The following MOGAT1 variants were observed in gnomAD, a reference collection of about 807,000 sequenced individuals.
MOGAT1 encodes 2-acylglycerol O-acyltransferase 1.
Under a neutral mutation model 31.4 loss-of-function variants are expected in MOGAT1, and 32 were observed. That is an observed-to-expected ratio of 1.02 (90% confidence interval 0.77 to 1.37). The LOEUF is 1.37. MOGAT1 is among the 40% of genes most tolerant of loss of function. The pLI, the probability that MOGAT1 is intolerant of heterozygous loss-of-function variation, is 0.00. For synonymous variants in MOGAT1, 145 were observed against 144.5 expected (o/e 1.00, Z -0.03); for missense variants, 426 against 402.0 (o/e 1.06, Z -0.51).
At chr2:222,675,542 C>G (rs369542563) in intron 1 of MOGAT1, among the ~76,000 whole-genome samples, 1 of 148,272 alleles carries the variant, frequency 6.7e-6, no homozygotes, top group Non-Finnish European at 1.5e-5. Context: ...TGCAGTGGCG[C>G]GATCTCGGCT....
At chr2:222,677,873 T>A (rs1183180813) in intron 1 of MOGAT1, 6 of 255,282 alleles carry the variant, frequency 2.4e-5, no homozygotes, top group Non-Finnish European at 1.7e-5. Context: ...CCTTCCTGTG[T>A]TTCTTGTCTT....
At chr2:222,679,936 G>C (rs1203317766) in intron 1 of MOGAT1, among the ~76,000 whole-genome samples, 1 of 152,192 alleles carries the variant, frequency 6.6e-6, no homozygotes, top group Admixed American at 6.5e-5. Flanking sequence ...AACCTGAAGT[G>C]ACATGACAAT....
intron 1 of MOGAT1, among the ~76,000 whole-genome samples, chr2:222,686,836 G>A (rs922768177): frequency 2.0e-5 from 3 of 152,192 alleles, no homozygotes; most frequent in Admixed American, 6.5e-5. Flanking sequence ...AAATAGTCCA[G>A]GTGCTGTGGC....
At chr2:222,676,476 T>C (rs1375730456) in intron 1 of MOGAT1, among the ~76,000 whole-genome samples, 1 of 152,238 alleles carries the variant, frequency 6.6e-6, no homozygotes, top group Non-Finnish European at 1.5e-5. Flanking sequence ...CTTGCATGGA[T>C]ATATTGCAAA....
intron 5 of MOGAT1, among the ~76,000 whole-genome samples, chr2:222,703,886 C>T (rs894305296): frequency 3.4e-5 from 5 of 146,558 alleles, no homozygotes; most frequent in African/African-American, 1.3e-4. Flanking sequence ...AAAAATAATG[C>T]CCACTTCTAA....
chr2:222,695,005 G>A, intron 4 of MOGAT1, 84 bp from the exon 5 acceptor site: 1 of 1,099,288 alleles, frequency 9.1e-7, no homozygotes, highest in Non-Finnish European at 1.3e-6. Context: ...TTTTTCAGAA[G>A]TTGTTGCAAG....
chr2:222,700,802 T>C (rs75254906), intron 5 of MOGAT1, among the ~76,000 whole-genome samples: 3,021 of 152,282 alleles, frequency 0.02, 97 homozygotes, highest in African/African-American at 0.069. Context: ...GTGATGTAAA[T>C]GACTGTGTTC....
chr2:222,678,953 A>G (rs1352747883), intron 1 of MOGAT1, among the ~76,000 whole-genome samples: 3 of 152,198 alleles, frequency 2.0e-5, no homozygotes, highest in African/African-American at 4.8e-5. Flanking sequence ...CTCAAAAAAA[A>G]AAGTTCTTTG....
intron 1 of MOGAT1, among the ~76,000 whole-genome samples, chr2:222,678,984 A>G (rs1356998532): frequency 2.0e-5 from 3 of 152,018 alleles, no homozygotes; most frequent in African/African-American, 7.2e-5. Flanking sequence ...GGTCACAAAA[A>G]TTTTCTTCTA....
intron 5 of MOGAT1, among the ~76,000 whole-genome samples, chr2:222,696,885 T>A (rs1201567085): frequency 6.6e-6 from 1 of 151,902 alleles, no homozygotes; most frequent in Non-Finnish European, 1.5e-5. Flanking sequence ...CTAAAAATTT[T>A]AAAAATTAGC....
Position 222,671,805 on chromosome 2 carries a change from C to A in MOGAT1, c.20C>A (p.Pro7Gln). The A allele has an allele frequency of 6.4e-7, 1 of 1,553,290 alleles. No homozygotes were observed. The highest frequency in any genetic ancestry group is 8.7e-7 in the Non-Finnish European group (1 of 1,148,342). ...CAGGCCATGAAGGTAGAGTTTGCAC[C>A]GCTCAACATCCAGCTGGCGCGGCGG... MKVEFA[P>Q]LNIQLARRLQ... The change falls in exon 1 of 6, where the codon CCG becomes CAG. Residue 7 changes from proline to glutamine, a missense_variant. Coordinates refer to ENST00000446656, the MANE Select transcript of MOGAT1 (RefSeq NM_058165.3).
chr2:222,694,953 G>A (rs970753986), intron 4 of MOGAT1, 136 bp from the exon 5 acceptor site: 15 of 560,322 alleles, frequency 2.7e-5, no homozygotes, highest in African/African-American at 3.9e-5. Flanking sequence ...TTCAATGAAC[G>A]TGAAGTTAGC....
In MOGAT1 at chr2:222,701,299, GGA is replaced by G. The variant is rs1553562912; in HGVS notation, c.853+6040_853+6041del. Among the ~76,000 whole-genome samples, 268 of 90,428 alleles carry G rather than the reference GGA, an allele frequency of 3.0e-3. 1 individual carries two copies. Among genetic ancestry groups the G allele is most frequent in the East Asian group, 6.8e-3 (29 of 4,234 alleles). 59.3% of individuals were successfully genotyped at this position (90,428 alleles called of 152,430 possible). A position where few individuals can be genotyped will look rare whatever the true frequency, so the allele number is the denominator to read the frequency against. Reference sequence around the variant, plus strand: ...AAGAGAGAGAGAGAGAGGAGGAGGAGGAGAGAGAGAGAGAGAGAGAGAGAGAG... The same window carrying G: ...AAGAGAGAGAGAGAGAGGAGGAGGAGGAGAGAGAGAGAGAGAGAGAGAGAG... On this transcript the variant is annotated intron_variant, in intron 5 of 5. Transcript: ENST00000446656.
Position 222,688,359 on chromosome 2 carries a change from G to A in MOGAT1, c.110G>A (p.Gly37Glu), listed in dbSNP as rs1280398229. The change falls in exon 2 of 6, where the codon GGA becomes GAA. Residue 37 changes from glycine to glutamate, a missense_variant. By Grantham distance (98) the Gly-to-Glu change is moderately conservative. Coordinates refer to ENST00000446656, the MANE Select transcript of MOGAT1 (RefSeq NM_058165.3). The stretch of plus-strand genomic sequence containing the variant: ...TTTCTTACAGGGCCGATGTCCATTG[G>A]AATCACTGTGATGCTGATCATACAC... ...KYLLLGPMSI[G>E]ITVMLIIHNY... The A allele has an allele frequency of 1.2e-6, 2 of 1,609,906 alleles. No homozygotes were observed. The highest frequency in any genetic ancestry group is 1.7e-6 in the Non-Finnish European group (2 of 1,178,268).
In MOGAT1 at chr2:222,685,704, G is replaced by A. The variant is rs371490273; in HGVS notation, c.95-2640G>A. ...CAACCTCCGTCTCTTGGGTTTAAGC[G>A]ATTCTCCTGCCTCAACCTCCGAAAT... On this transcript the variant is annotated intron_variant, in intron 1 of 5. Coordinates refer to ENST00000446656, the MANE Select transcript of MOGAT1 (RefSeq NM_058165.3). 7.4e-5 allele frequency among the ~76,000 whole-genome samples: 11 copies of A among 149,222 alleles called. No homozygotes were observed. In the East Asian group the frequency reaches 2.2e-3, roughly 30 times the overall value.
At chr2:222,675,604 T>C (rs35676483) in intron 1 of MOGAT1, among the ~76,000 whole-genome samples, 17,004 of 151,184 alleles carry the variant, frequency 0.11, 1,030 homozygotes, top group African/African-American at 0.13. Context: ...CTCAGCCTCC[T>C]GAGTATCTGG....
chr2:222,692,328 A>G (rs55971745), intron 3 of MOGAT1, among the ~76,000 whole-genome samples: 34,037 of 152,204 alleles, frequency 0.22, 5,343 homozygotes, highest in African/African-American at 0.45. Context: ...GAAGTCAGTA[A>G]CTATTTTGTC....
chr2:222,709,627 G>A, intron 5 of MOGAT1, 109 bp from the exon 6 acceptor site: 1 of 964,164 alleles, frequency 1.0e-6, no homozygotes, highest in Non-Finnish European at 1.6e-6. Context: ...GAGTGAGCAG[G>A]CTGGAGGGAT....
chr2:222,705,023 TC>T (rs1046999579), intron 5 of MOGAT1, among the ~76,000 whole-genome samples: 3 of 152,156 alleles, frequency 2.0e-5, no homozygotes, highest in African/African-American at 7.2e-5. Context: ...GAATGGCCAC[TC>T]CGTAAACAGA....
Sources: gnomAD v4.1 joint callset for allele counts (sites outside exome capture counted in the v4.1 genomes callset) on GRCh38, gnomAD v4.1.1 for gene constraint, MANE v1.5 for transcripts, NCBI Gene and HGNC (gene_info 2026-07-23, HGNC 2026-07-21) for gene names.